Variants in FBXO34 observed in about 807,000 individuals in gnomAD.
FBXO34 encodes the protein F-box only protein 34.
FBXO34 carries 12 observed loss-of-function variants against 24.5 expected under a neutral mutation model. The ratio of observed to expected loss-of-function variants is 0.49; its 90% CI spans 0.31 to 0.79. FBXO34 has a LOEUF of 0.79. FBXO34 is among the 30% of genes least tolerant of loss of function. The pLI is 0.04. For missense variants in FBXO34, 823 were observed against 857.7 expected (o/e 0.96, Z 0.51); for synonymous variants, 320 against 311.9 (o/e 1.03, Z -0.27).
intron 1 of FBXO34, among the ~76,000 whole-genome samples, chr14:55,286,255 G>A (rs1337591069): frequency 6.6e-6 from 1 of 152,066 alleles, no homozygotes; most frequent in African/African-American, 2.4e-5. Context: ...TTGAAGATTC[G>A]ACGTGAATTC....
chr14:55,411,788 A>G, the FBXO34 span: 564 of 1,602,038 alleles, frequency 3.5e-4, 6 homozygotes, highest in South Asian at 5.9e-3. Flanking sequence ...AGGAGCCTCC[A>G]GCGCCCGGGC....
intron 1 of FBXO34, among the ~76,000 whole-genome samples, chr14:55,344,153 G>A (rs758148126): frequency 2.0e-5 from 3 of 152,052 alleles, no homozygotes; most frequent in South Asian, 2.1e-4. Context: ...TGAGAGAGTC[G>A]CTGTAGTTGG....
At chr14:55,336,979 ATT>A (rs10573228) in intron 1 of FBXO34, among the ~76,000 whole-genome samples, 52,430 of 136,628 alleles carry the variant, frequency 0.38, 9,698 homozygotes, top group Non-Finnish European at 0.43. Context: ...TTTTTATTTT[ATT>A]TTTTTTTTTT....
At chr14:55,411,125 A>AT in the FBXO34 span, among the ~76,000 whole-genome samples, 1 of 152,226 alleles carries the variant, frequency 6.6e-6, no homozygotes, top group Non-Finnish European at 1.5e-5. Context: ...AGCATGTCTG[A>AT]TAACAAAGTC....
rs1231851819 is a variant in FBXO34, at chr14:55,299,062, CT to C, written c.-11+27526del. The C allele has an allele frequency of 4.5e-4, 704 of 1,571,032 alleles. 3 individuals are homozygous for C. In the African/African-American group the frequency reaches 8.3e-3, roughly 19 times the overall value. ...GAGATTTCAACAGCAATTTCGAAACCTGTAGGGTTTGGAGAAAAGTCTGACG... is the reference window on the plus strand; with the variant it reads ...GAGATTTCAACAGCAATTTCGAAACCGTAGGGTTTGGAGAAAAGTCTGACG... On this transcript the variant is annotated intron_variant, in intron 1 of 1. Coordinates refer to ENST00000313833, the MANE Select transcript of FBXO34 (RefSeq NM_017943.4).
At chr14:55,338,376 G>A (rs559105283) in intron 1 of FBXO34, among the ~76,000 whole-genome samples, 1 of 151,948 alleles carries the variant, frequency 6.6e-6, no homozygotes, top group South Asian at 2.1e-4. Context: ...TGGGTATTGT[G>A]ACCTTGATCT....
the FBXO34 span, among the ~76,000 whole-genome samples, chr14:55,423,231 G>T: frequency 6.6e-6 from 1 of 152,156 alleles, no homozygotes; most frequent in African/African-American, 2.4e-5. Context: ...GTTTTCTTTG[G>T]TACCATTTTG....
intron 1 of FBXO34, among the ~76,000 whole-genome samples, chr14:55,290,719 T>C (rs1881918104): frequency 2.6e-5 from 4 of 152,220 alleles, no homozygotes; most frequent in Admixed American, 2.0e-4. Flanking sequence ...TAGAACTTAG[T>C]GTCATAGCCA....
the FBXO34 span, chr14:55,414,371 T>C: frequency 6.3e-7 from 1 of 1,589,076 alleles, no homozygotes; most frequent in South Asian, 1.2e-5. Context: ...AGATGCTGAA[T>C]GATATGCTCA....
At chr14:55,323,543 C>T (rs992845043) in intron 1 of FBXO34, among the ~76,000 whole-genome samples, 1 of 151,588 alleles carries the variant, frequency 6.6e-6, no homozygotes, top group Non-Finnish European at 1.5e-5. Context: ...CCACCACGTC[C>T]AGCTAATTTT....
the FBXO34 span, among the ~76,000 whole-genome samples, chr14:55,442,771 T>G: frequency 3.3e-5 from 5 of 152,332 alleles, no homozygotes; most frequent in Admixed American, 6.5e-5. Context: ...GCTCTTAATT[T>G]TGTTATTAGA....
At chr14:55,347,135 C>G (rs1392614832) in intron 1 of FBXO34, among the ~76,000 whole-genome samples, 2 of 152,152 alleles carry the variant, frequency 1.3e-5, no homozygotes, top group East Asian at 1.9e-4. Flanking sequence ...CTGCATTTTA[C>G]TTTATTGCAA....
chr14:55,352,487 T>C lies in FBXO34; in HGVS notation c.2097T>C (p.His699=). Residue 699 remains histidine (H), a synonymous_variant, in exon 2 of 2, where the codon CAT becomes CAC. Transcript: ENST00000313833. ...GCCACAGCTTTAATCGGGCAATCCA[T>C]AAGAAAGCAAAAGGGACTGAAGCTG... ...PACHSFNRAI[H]KKAKGTEAEE... is the part of the protein sequence containing the mutation. 1 of 1,612,582 alleles carries C rather than the reference T, an allele frequency of 6.2e-7. No homozygotes were observed. The highest frequency in any genetic ancestry group is 8.5e-7 in the Non-Finnish European group (1 of 1,179,310).
At chr14:55,284,875 C>T (rs1881704636) in intron 1 of FBXO34, among the ~76,000 whole-genome samples, 1 of 150,076 alleles carries the variant, frequency 6.7e-6, no homozygotes, top group Non-Finnish European at 1.5e-5. Flanking sequence ...CTCAGCCTCC[C>T]AAAATGCTGT....
At chr14:55,442,091 G>T in the FBXO34 span, among the ~76,000 whole-genome samples, 2 of 151,082 alleles carry the variant, frequency 1.3e-5, no homozygotes, top group African/African-American at 4.9e-5. Context: ...TGTAAGATAC[G>T]TAAAAATGTA....
In FBXO34 at chr14:55,351,990, C is replaced by G. The variant is rs1178300881; in HGVS notation, c.1600C>G (p.Pro534Ala). 1 of 1,614,172 alleles carries G rather than the reference C, an allele frequency of 6.2e-7. No homozygotes were observed. Among genetic ancestry groups the G allele is most frequent in the Non-Finnish European group, 8.5e-7 (1 of 1,180,028 alleles). The stretch of plus-strand genomic sequence containing the variant: ...TGGGTCTGCTGAGCCATTTGTACTG[C>G]CAGCCTCTTCTGTGGAAAGTACATT... ...KSGSAEPFVL[P>A]ASSVESTLPV... is the part of the protein sequence containing the mutation. The change falls in exon 2 of 2, where the codon CCA (proline) becomes GCA (alanine). Residue 534 changes from proline to alanine, a missense_variant. This residue lies in a region of FBXO34 where 693 missense variants were observed against 659.1 expected (regional missense o/e 1.05). Transcript: ENST00000313833.
chr14:55,284,681 T>C (rs1881697702), intron 1 of FBXO34, among the ~76,000 whole-genome samples: 1 of 148,388 alleles, frequency 6.7e-6, no homozygotes, highest in Non-Finnish European at 1.5e-5. Flanking sequence ...TAGTGGTGCA[T>C]TCTTAGCTCA....
At chr14:55,307,027 C>G (rs1214034428) in intron 1 of FBXO34, among the ~76,000 whole-genome samples, 1 of 152,164 alleles carries the variant, frequency 6.6e-6, no homozygotes, top group African/African-American at 2.4e-5. Context: ...GGTATCCACC[C>G]ATTTCATTTG....
chr14:55,397,359 A>G, the FBXO34 span: 3 of 1,610,770 alleles, frequency 1.9e-6, no homozygotes, highest in African/African-American at 4.0e-5. Flanking sequence ...AAAAGACAAA[A>G]CAAAACACTC....
Sources: allele counts gnomAD v4.1 joint callset (sites outside exome capture counted in the v4.1 genomes callset), GRCh38; gene constraint gnomAD v4.1.1; regional missense constraint gnomAD v4.1.1; transcripts MANE v1.5; gene names NCBI Gene and HGNC (gene_info 2026-07-23, HGNC 2026-07-21).